The following PTPRD variants were observed in gnomAD, a reference collection of about 807,000 sequenced individuals.
PTPRD encodes receptor-type tyrosine-protein phosphatase delta.
Under a neutral mutation model 214.5 loss-of-function variants are expected in PTPRD, and 34 were observed. The observed-to-expected ratio is 0.16, with a 90% CI of 0.12 to 0.21. PTPRD has a LOEUF of 0.21. PTPRD is among the 10% of genes least tolerant of loss of function. The pLI, the probability that PTPRD is intolerant of heterozygous loss-of-function variation, is 1.00. For synonymous variants in PTPRD, 1,128 were observed against 845.7 expected (o/e 1.33, Z -5.79); for missense variants, 2,545 against 2,398.7 (o/e 1.06, Z -1.27).
intron 2 of PTPRD, among the ~76,000 whole-genome samples, chr9:10,587,788 C>T (rs952661584): frequency 6.6e-6 from 1 of 151,996 alleles, no homozygotes; most frequent in African/African-American, 2.4e-5. Flanking sequence ...TCCCTCCACA[C>T]TTTAGTCTAG....
chr9:8,665,379 C>G (rs534947125), intron 12 of PTPRD, among the ~76,000 whole-genome samples: 1 of 152,238 alleles, frequency 6.6e-6, no homozygotes, highest in East Asian at 1.9e-4. Context: ...ACTGTATTAT[C>G]TGGAGCTTGC....
At chr9:8,326,507 TC>T (rs1232605534) in intron 44 of PTPRD, among the ~76,000 whole-genome samples, 1 of 151,382 alleles carries the variant, frequency 6.6e-6, no homozygotes, top group African/African-American at 2.4e-5. Flanking sequence ...TCGATGTTCA[TC>T]AGGGATATTG....
chr9:8,666,516 T>C (rs955210225), intron 12 of PTPRD, among the ~76,000 whole-genome samples: 2 of 152,224 alleles, frequency 1.3e-5, no homozygotes, highest in African/African-American at 4.8e-5. Flanking sequence ...TGTCACTGCC[T>C]CATAAAATTC....
intron 9 of PTPRD, among the ~76,000 whole-genome samples, chr9:9,280,521 C>A (rs189559864): frequency 4.6e-5 from 7 of 151,140 alleles, no homozygotes; most frequent in Non-Finnish European, 8.9e-5. Flanking sequence ...AACACATTAC[C>A]ATTTATTTTA....
At chr9:8,525,754 T>C (rs1208919953) in intron 17 of PTPRD, among the ~76,000 whole-genome samples, 1 of 152,120 alleles carries the variant, frequency 6.6e-6, no homozygotes, top group Non-Finnish European at 1.5e-5. Context: ...TTGAGGACCC[T>C]GAGATGGATC....
At chr9:8,340,267 A>G (rs1181324119) in intron 42 of PTPRD, 76 bp downstream of exon 42, 2 of 1,463,558 alleles carry the variant, frequency 1.4e-6, no homozygotes, top group African/African-American at 1.4e-5. Context: ...CTAGCACAAG[A>G]GTTATTGAAA....
In PTPRD at chr9:8,546,168, G is replaced by A. The variant is rs904826593; in HGVS notation, c.353-17389C>T. On this transcript the variant is annotated intron_variant, in intron 14 of 45. Transcript: ENST00000381196. ...CTTGGCCAGAGGAGTAATATTTATG[G>A]AGAATTAGCTGAAGTTATGCAATTT... is the stretch of plus-strand genomic sequence containing the variant. 3.3e-5 allele frequency among the ~76,000 whole-genome samples: 5 copies of A among 152,092 alleles called. No homozygotes were observed. In the South Asian group the frequency reaches 1.0e-3, roughly 32 times the overall value.
intron 9 of PTPRD, among the ~76,000 whole-genome samples, chr9:9,302,861 T>C (rs1569567193): frequency 6.6e-6 from 1 of 151,882 alleles, no homozygotes; most frequent in Non-Finnish European, 1.5e-5. Flanking sequence ...TAGTTTCTCA[T>C]AGCAGTGTGA....
chr9:8,819,914 C>T (rs748331146), intron 11 of PTPRD, among the ~76,000 whole-genome samples: 3 of 152,142 alleles, frequency 2.0e-5, no homozygotes, highest in South Asian at 2.1e-4. Context: ...CAATCATATG[C>T]TCAGGAAGCT....
At chr9:10,314,305 A>G (rs183786462) in intron 3 of PTPRD, among the ~76,000 whole-genome samples, 106 of 152,056 alleles carry the variant, frequency 7.0e-4, no homozygotes, top group South Asian at 1.7e-3. Flanking sequence ...AAAAAGGGTG[A>G]AATTTCCAAA....
At chr9:8,383,710 G>A (rs1416459693) in intron 37 of PTPRD, among the ~76,000 whole-genome samples, 4 of 152,266 alleles carry the variant, frequency 2.6e-5, no homozygotes, top group East Asian at 1.9e-4. Flanking sequence ...GATTTGTTAA[G>A]TGTCAAAATT....
At chr9:10,360,422 T>C (rs891791663) in intron 2 of PTPRD, among the ~76,000 whole-genome samples, 29 of 152,364 alleles carry the variant, frequency 1.9e-4, no homozygotes, top group African/African-American at 7.0e-4. Context: ...GGGCATGTCA[T>C]TGTCTAGAAA....
At chr9:9,557,453 A>G (rs183831099) in intron 8 of PTPRD, among the ~76,000 whole-genome samples, 1 of 152,304 alleles carries the variant, frequency 6.6e-6, no homozygotes, top group African/African-American at 2.4e-5. Context: ...ATTTTTTGAC[A>G]TATTTTGAAA....
intron 3 of PTPRD, among the ~76,000 whole-genome samples, chr9:10,223,228 C>G (rs953167289): frequency 1.3e-5 from 2 of 151,862 alleles, no homozygotes; most frequent in Non-Finnish European, 2.9e-5. Context: ...TCCCCTTCCT[C>G]TTCCTCCTTT....
intron 10 of PTPRD, among the ~76,000 whole-genome samples, chr9:9,033,965 A>C (rs1191657198): frequency 3.9e-5 from 6 of 152,298 alleles, no homozygotes; most frequent in Admixed American, 6.5e-5. Flanking sequence ...ATTTTACCTG[A>C]ATAAAAACTG....
chr9:8,557,455 T>TATATATATATATAC lies in PTPRD; in HGVS notation c.353-28677_353-28676insGTATATATATATAT. ...AAATACATATATATATATATATATATATTTGGGCCGGGCGCGGTGGCTCAT... is the reference window on the plus strand; with the variant it reads ...AAATACATATATATATATATATATATATATATATATATACATTTGGGCCGGGCGCGGTGGCTCAT... On this transcript the variant is annotated intron_variant, in intron 14 of 45. Coordinates refer to ENST00000381196, the MANE Select transcript of PTPRD (RefSeq NM_002839.4). 5.3e-4 allele frequency among the ~76,000 whole-genome samples: 72 copies of TATATATATATATAC among 135,614 alleles called. 5 individuals are homozygous for TATATATATATATAC. The highest frequency in any genetic ancestry group is 2.2e-3 in the African/African-American group (62 of 28,782). 89.0% of individuals were successfully genotyped at this position (135,614 alleles called of 152,430 possible). A position where few individuals can be genotyped will look rare whatever the true frequency, so the allele number is the denominator to read the frequency against.
At chr9:9,276,389 A>C (rs1484153624) in intron 9 of PTPRD, among the ~76,000 whole-genome samples, 1 of 151,376 alleles carries the variant, frequency 6.6e-6, no homozygotes, top group Non-Finnish European at 1.5e-5. Flanking sequence ...TGTAGTCTAG[A>C]ATATCAGAGG....
intron 4 of PTPRD, among the ~76,000 whole-genome samples, chr9:9,979,501 TTAAAA>T (rs1387005673): frequency 6.6e-6 from 1 of 151,640 alleles, no homozygotes; most frequent in Non-Finnish European, 1.5e-5. Flanking sequence ...TTTTTAGATA[TTAAAA>T]TAAAAAATCA....
At chr9:8,443,638 G>A (rs1423739639) in intron 34 of PTPRD, among the ~76,000 whole-genome samples, 2 of 152,142 alleles carry the variant, frequency 1.3e-5, no homozygotes, top group Middle Eastern at 3.2e-3. Context: ...TTCCTAAAAG[G>A]TGCAAGCATA....
Sources: allele counts gnomAD v4.1 joint callset (sites outside exome capture counted in the v4.1 genomes callset), GRCh38; gene constraint gnomAD v4.1.1; transcripts MANE v1.5; gene names NCBI Gene and HGNC (gene_info 2026-07-23, HGNC 2026-07-21).